Variants in RBFOX2 observed in about 807,000 individuals in gnomAD.
RBFOX2 encodes RNA binding fox-1 homolog 2.
In RBFOX2, 10 loss-of-function variants were observed where a neutral mutation model predicts 49.1. The observed-to-expected ratio is 0.20, with a 90% CI of 0.13 to 0.35. RBFOX2 has a LOEUF of 0.35. Ranked by LOEUF, RBFOX2 falls within the 10% of genes least tolerant of loss-of-function variation. The probability of loss-of-function intolerance (pLI) is 1.00; values close to 1 mark genes in which losing one functional copy is unlikely to be tolerated. For missense variants in RBFOX2, 323 were observed against 486.9 expected, an observed-to-expected ratio of 0.66 and a Z score of 3.17; for synonymous variants, 183 against 187.4, an observed-to-expected ratio of 0.98 and a Z score of 0.19.
At chr22:36,014,562 A>G (rs1257184307) in intron 1 of RBFOX2, among the ~76,000 whole-genome samples, 1 of 152,208 alleles carries the variant, frequency 6.6e-6, no homozygotes, top group Non-Finnish European at 1.5e-5. Flanking sequence ...ACTTGCTTCT[A>G]ACACTGCAAA....
chr22:36,005,569 G>A (rs2058589175), intron 1 of RBFOX2, among the ~76,000 whole-genome samples: 1 of 152,202 alleles, frequency 6.6e-6, no homozygotes, highest in Non-Finnish European at 1.5e-5. Context: ...AATTGGCATA[G>A]GCAATTGTAT....
At chr22:35,942,385 A>G (rs1467772111), upstream of RBFOX2, among the ~76,000 whole-genome samples, 1 of 152,124 alleles carries the variant, frequency 6.6e-6, no homozygotes, top group African/African-American at 2.4e-5. Context: ...GAATGCATAT[A>G]CCTTCCTGTA....
chr22:35,762,815 CT>C (rs1027138028), intron 6 of RBFOX2, among the ~76,000 whole-genome samples: 2 of 152,068 alleles, frequency 1.3e-5, no homozygotes, highest in African/African-American at 4.8e-5. Flanking sequence ...CACAATTGGC[CT>C]TTTCAAAAGA....
intron 1 of RBFOX2, among the ~76,000 whole-genome samples, chr22:35,974,142 G>A (rs927165862): frequency 5.3e-5 from 8 of 152,162 alleles, no homozygotes; most frequent in African/African-American, 1.9e-4. Context: ...AACAAAACTG[G>A]ACTGGTCAGG....
chr22:35,832,294 A>AC (rs1470595218), intron 1 of RBFOX2, among the ~76,000 whole-genome samples: 2 of 151,872 alleles, frequency 1.3e-5, no homozygotes, highest in Non-Finnish European at 2.9e-5. Context: ...AATCACTTGA[A>AC]CCCAGGAGGC....
intron 1 of RBFOX2, among the ~76,000 whole-genome samples, chr22:35,828,686 C>G (rs1228059212): frequency 1.3e-5 from 2 of 152,202 alleles, no homozygotes; most frequent in African/African-American, 4.8e-5. Context: ...TAAAAAGAGT[C>G]TTGCCTCAGT....
intron 1 of RBFOX2, among the ~76,000 whole-genome samples, chr22:35,924,525 TCTC>T (rs2051396472): frequency 6.6e-6 from 1 of 152,228 alleles, no homozygotes; most frequent in Admixed American, 6.5e-5. Context: ...TAAGAGGCAC[TCTC>T]TTGCTGAACA....
chr22:35,782,103 A>G (rs1012995474), intron 2 of RBFOX2, among the ~76,000 whole-genome samples: 4 of 152,174 alleles, frequency 2.6e-5, no homozygotes, highest in Admixed American at 2.0e-4. Flanking sequence ...AGAACTTTCT[A>G]TTTTTAAGAT....
At chr22:35,950,831 C>T (rs2054831044) in intron 1 of RBFOX2, among the ~76,000 whole-genome samples, 2 of 152,122 alleles carry the variant, frequency 1.3e-5, no homozygotes, top group South Asian at 4.2e-4. Context: ...TTTTGTCACA[C>T]ATCAATCATA....
intron 1 of RBFOX2, among the ~76,000 whole-genome samples, chr22:35,839,202 A>G (rs1360167527): frequency 3.3e-5 from 5 of 152,248 alleles, no homozygotes; most frequent in Non-Finnish European, 7.3e-5. Flanking sequence ...TCAGAGCCTC[A>G]TCATTTCCTC....
chr22:36,002,135 A>C (rs1014031051), intron 1 of RBFOX2, among the ~76,000 whole-genome samples: 4 of 152,214 alleles, frequency 2.6e-5, no homozygotes, highest in Non-Finnish European at 5.9e-5. Context: ...ACCATTTTTC[A>C]CTTCGGCTTG....
exon 1 of RBFOX2, chr22:35,840,353 T>C: frequency 6.4e-7 from 1 of 1,555,816 alleles, no homozygotes; most frequent in Non-Finnish European, 8.7e-7. Flanking sequence ...TATACCGTTT[T>C]CCTTCCTTTT....
At chr22:35,745,207 G>A (rs964946911) in intron 11 of RBFOX2, among the ~76,000 whole-genome samples, 1 of 152,144 alleles carries the variant, frequency 6.6e-6, no homozygotes, top group African/African-American at 2.4e-5. Flanking sequence ...GTTGCATTTT[G>A]GATTAGAGAG....
At chr22:35,879,555 G>C (rs2045600837) in intron 1 of RBFOX2, among the ~76,000 whole-genome samples, 1 of 152,176 alleles carries the variant, frequency 6.6e-6, no homozygotes, top group Non-Finnish European at 1.5e-5. Context: ...CAAAGTGCCT[G>C]GCAAATTTGA....
At chr22:35,791,739 T>C (rs573442495) in intron 2 of RBFOX2, among the ~76,000 whole-genome samples, 1 of 152,312 alleles carries the variant, frequency 6.6e-6, no homozygotes, top group Admixed American at 6.5e-5. Context: ...TCTGAAGACA[T>C]TACAGTTTTA....
Position 36,001,180 on chromosome 22 carries a change from AACATACAC to A in RBFOX2, c.186+27052_186+27059del, listed in dbSNP as rs2058400184. On this transcript the variant is annotated intron_variant, in intron 1 of 13. Coordinates refer to the RBFOX2 transcript ENST00000438146. ...TTCAAATGTTTTTCTCTGGCCCCAA[AACATACAC>A]ACACACACACACACACACACACACA... Among the ~76,000 whole-genome samples the A allele has an allele frequency of 7.1e-5, 6 of 84,908 alleles. No individual in the cohort carries two copies. The East Asian group carries it at 1.0e-3, about 14-fold the overall frequency. The allele number at this position is 84,908 out of a possible 152,430, so 55.7% of individuals were successfully genotyped here. A position where few individuals can be genotyped will look rare whatever the true frequency, so the allele number is the denominator to read the frequency against.
rs573897941 is a variant in RBFOX2, at chr22:35,972,707, G to C, written c.187-33810C>G. Among the ~76,000 whole-genome samples the C allele has an allele frequency of 2.0e-5, 3 of 152,270 alleles. No individual in the cohort carries two copies. In the East Asian group the frequency reaches 5.8e-4, roughly 29 times the overall value. ...CTAGGAATCATCACTTTAAAGAAAT[G>C]TTATTACCTACCAAAGACTGTACAG... is the stretch of plus-strand genomic sequence containing the variant. On this transcript the variant is annotated intron_variant, in intron 1 of 13. Coordinates refer to the RBFOX2 transcript ENST00000438146.
At chr22:35,965,923 T>A (rs569864540), upstream of RBFOX2, among the ~76,000 whole-genome samples, 1 of 152,206 alleles carries the variant, frequency 6.6e-6, no homozygotes, top group South Asian at 2.1e-4. Context: ...AAAACCTAAG[T>A]GCATAACTCA....
intron 2 of RBFOX2, among the ~76,000 whole-genome samples, chr22:35,798,360 A>G (rs1327264430): frequency 1.3e-5 from 2 of 152,252 alleles, no homozygotes; most frequent in Non-Finnish European, 2.9e-5. Flanking sequence ...AGTGCCTAGC[A>G]CAGTAATGTG....
Sources: gnomAD v4.1 joint callset for allele counts (sites outside exome capture counted in the v4.1 genomes callset) on GRCh38, gnomAD v4.1.1 for gene constraint, MANE v1.5 for transcripts, NCBI Gene and HGNC (gene_info 2026-07-23, HGNC 2026-07-21) for gene names.